Variants in PTPRK observed in about 807,000 individuals in gnomAD.
The protein encoded by PTPRK is protein tyrosine phosphatase receptor type K.
In PTPRK, 75 loss-of-function variants were observed where a neutral mutation model predicts 178.0. The ratio of observed to expected loss-of-function variants is 0.42; its 90% confidence interval spans 0.35 to 0.51. PTPRK has a LOEUF of 0.51. Among genes scored for constraint, PTPRK ranks in the 20% least tolerant of loss-of-function variants. The probability of loss-of-function intolerance (pLI) is 0.02; values close to 1 mark genes in which losing one functional copy is unlikely to be tolerated. For missense variants in PTPRK, 1,441 were observed against 1,797.8 expected (o/e 0.80, Z 3.59); for synonymous variants, 637 against 620.6 (o/e 1.03, Z -0.39).
intron 3 of PTPRK, among the ~76,000 whole-genome samples, chr6:128,285,588 A>ATCCAC (rs1439448986): frequency 2.6e-5 from 4 of 151,666 alleles, no homozygotes; most frequent in African/African-American, 9.7e-5. Context: ...AGGCAGGTGG[A>ATCCAC]TCACAAGGTC....
intron 2 of PTPRK, among the ~76,000 whole-genome samples, chr6:128,326,923 T>C (rs957859069): frequency 3.3e-5 from 5 of 152,066 alleles, no homozygotes; most frequent in African/African-American, 4.8e-5. Flanking sequence ...CACAAGCGTG[T>C]TTTTTAAATC....
chr6:128,203,022 A>T (rs1229832390), intron 6 of PTPRK, among the ~76,000 whole-genome samples: 1 of 152,218 alleles, frequency 6.6e-6, no homozygotes, highest in East Asian at 1.9e-4. Context: ...ATACTGTTAA[A>T]CCGAATCCAG....
intron 3 of PTPRK, among the ~76,000 whole-genome samples, chr6:128,275,094 T>C (rs944478090): frequency 2.0e-5 from 3 of 152,070 alleles, no homozygotes; most frequent in African/African-American, 4.8e-5. Flanking sequence ...TCACTAGCAC[T>C]GTACAACACA....
chr6:128,470,743 C>T (rs1163488212), intron 1 of PTPRK, among the ~76,000 whole-genome samples: 2 of 134,924 alleles, frequency 1.5e-5, no homozygotes, highest in South Asian at 2.3e-4. Context: ...GAAACAATAT[C>T]TCTCTCTTTT....
At chr6:128,273,208 G>A (rs1021328418) in intron 3 of PTPRK, among the ~76,000 whole-genome samples, 16 of 152,022 alleles carry the variant, frequency 1.1e-4, no homozygotes, top group Admixed American at 6.5e-4. Flanking sequence ...CTGTCCTGTC[G>A]CGGGGTCGGG....
intron 15 of PTPRK, chr6:128,003,061 C>A (rs1277011354): frequency 1.3e-6 from 1 of 784,190 alleles, no homozygotes; most frequent in East Asian, 2.7e-5. Context: ...CACAGTTGCT[C>A]TCTTTGATAA....
chr6:128,321,798 G>A (rs1186989562), intron 3 of PTPRK: 1 of 709,674 alleles, frequency 1.4e-6, no homozygotes, highest in East Asian at 2.7e-5. Context: ...TAGTTTGAAG[G>A]TTTTGTGCCA....
intron 27 of PTPRK, 87 bp downstream of exon 27, chr6:127,976,570 C>T: frequency 6.7e-7 from 1 of 1,482,564 alleles, no homozygotes. Flanking sequence ...TAATTGTAGT[C>T]TCCCTGTTGT....
rs186837841 is a variant in PTPRK, at chr6:128,191,717, C to A, written c.869-6992G>T. 2.9e-3 allele frequency among the ~76,000 whole-genome samples: 421 copies of A among 147,612 alleles called. 3 individuals are homozygous for A. Among genetic ancestry groups the A allele is most frequent in the African/African-American group, 0.01 (402 of 39,094 alleles). On this transcript the variant is annotated intron_variant, in intron 6 of 29. Coordinates refer to ENST00000368226, the MANE Select transcript of PTPRK (RefSeq NM_002844.4). ...ATTTGTTAATCATAACTTAATAAAT[C>A]TGAAGCGAAAAAAAAAATCTCTAGT...
rs116450448 is a variant in PTPRK, at chr6:128,322,017, C to A, written c.495+22G>T. On this transcript the variant is annotated intron_variant, in intron 3 of 29. Coordinates refer to ENST00000368226, the MANE Select transcript of PTPRK (RefSeq NM_002844.4). Reference sequence around the variant, plus strand: ...AGAACTGATGACATCAAAACATACACCAGAAAAGTACAGATGATTACCTGA... The same window carrying A: ...AGAACTGATGACATCAAAACATACAACAGAAAAGTACAGATGATTACCTGA... The A allele has an allele frequency of 1.1e-3, 1,751 of 1,613,680 alleles. 25 individuals are homozygous for A. The African/African-American group carries it at 0.021, about 20-fold the overall frequency.
chr6:128,192,826 G>C (rs1297483568), intron 6 of PTPRK, among the ~76,000 whole-genome samples: 1 of 135,700 alleles, frequency 7.4e-6, no homozygotes, highest in African/African-American at 2.7e-5. Context: ...CAGAAAAAGG[G>C]AAGGGAAGGG....
At chr6:128,094,787 G>T (rs951717958) in intron 7 of PTPRK, among the ~76,000 whole-genome samples, 1 of 152,038 alleles carries the variant, frequency 6.6e-6, no homozygotes, top group African/African-American at 2.4e-5. Context: ...CAGGAGTTGG[G>T]GTACTCCCAT....
rs560618797 is a variant in PTPRK at position 128,386,287 on chromosome 6, T to C, written c.223+11279A>G. 3.0e-4 allele frequency among the ~76,000 whole-genome samples: 46 copies of C among 152,322 alleles called. 1 individual carries two copies. The highest frequency in any genetic ancestry group is 4.7e-4 in the Non-Finnish European group (32 of 68,032). Reference sequence around the variant, plus strand: ...TACAAATTGTTTGATTAAGAAGAACTTTTTTACTAAAACACATATGATAAG... The same window carrying C: ...TACAAATTGTTTGATTAAGAAGAACCTTTTTACTAAAACACATATGATAAG... On this transcript the variant is annotated intron_variant, in intron 2 of 29. Transcript: ENST00000368226.
intron 1 of PTPRK, among the ~76,000 whole-genome samples, chr6:128,451,155 AC>A (rs1448759840): frequency 6.6e-6 from 1 of 152,220 alleles, no homozygotes; most frequent in Admixed American, 6.5e-5. Context: ...CTCTTAAAAT[AC>A]TTTGATATTA....
At chr6:128,184,240 G>A (rs1446056208) in intron 7 of PTPRK, among the ~76,000 whole-genome samples, 192 bp downstream of exon 7, 2 of 152,082 alleles carry the variant, frequency 1.3e-5, no homozygotes, top group Non-Finnish European at 2.9e-5. Context: ...TGAGAATAGA[G>A]AAGCACTCCC....
intron 1 of PTPRK, among the ~76,000 whole-genome samples, chr6:128,465,438 G>A (rs1175391467): frequency 6.6e-6 from 1 of 151,742 alleles, no homozygotes; most frequent in Non-Finnish European, 1.5e-5. Flanking sequence ...TAAAATATTT[G>A]GGAATTCCTT....
At chr6:128,426,715 CT>C (rs1423793624) in intron 1 of PTPRK, among the ~76,000 whole-genome samples, 1 of 152,166 alleles carries the variant, frequency 6.6e-6, no homozygotes, top group Non-Finnish European at 1.5e-5. Context: ...ATTAAAATGG[CT>C]TTTCTATAAC....
chr6:127,984,481 C>T (rs2114639938), intron 22 of PTPRK, among the ~76,000 whole-genome samples: 1 of 152,190 alleles, frequency 6.6e-6, no homozygotes, highest in Middle Eastern at 3.4e-3. Flanking sequence ...CTTTGTAGTC[C>T]AGAGATGCTT....
intron 1 of PTPRK, among the ~76,000 whole-genome samples, chr6:128,487,002 T>A (rs1368011125): frequency 6.6e-6 from 1 of 150,912 alleles, no homozygotes; most frequent in East Asian, 2.0e-4. Context: ...AAAGGAAATG[T>A]TGAATAGTTA....
Sources: gnomAD v4.1 joint callset for allele counts (sites outside exome capture counted in the v4.1 genomes callset) on GRCh38, gnomAD v4.1.1 for gene constraint, MANE v1.5 for transcripts, NCBI Gene and HGNC (gene_info 2026-07-23, HGNC 2026-07-21) for gene names.